Variants in LIN52 observed in about 807,000 individuals in gnomAD.
The protein encoded by LIN52 is lin-52 DREAM MuvB core complex component, also known as protein lin-52 homolog.
LIN52 carries 4 observed loss-of-function variants against 18.5 expected under a neutral mutation model. The ratio of observed to expected loss-of-function variants is 0.22; its 90% CI spans 0.11 to 0.49. The LOEUF is 0.49. LIN52 is among the 20% of genes least tolerant of loss of function. The probability of loss-of-function intolerance (pLI) is 0.97; values close to 1 mark genes in which losing one functional copy is unlikely to be tolerated. For missense variants in LIN52, 102 were observed against 139.5 expected (o/e 0.73, Z 1.35); for synonymous variants, 34 against 45.5 (o/e 0.75, Z 1.02).
intron 5 of LIN52, among the ~76,000 whole-genome samples, chr14:74,103,733 GTTTTTTTTTTTTTTTTTT>G (rs573188668): frequency 1.1e-3 from 50 of 46,038 alleles, no homozygotes; most frequent in Non-Finnish European, 1.5e-3. Flanking sequence ...GGCCTGGCCA[GTTTTTTTTTTTTTTTTTT>G]TTTTTTTTTT....
chr14:74,121,785 G>A (rs920097673), intron 5 of LIN52, among the ~76,000 whole-genome samples: 16 of 149,522 alleles, frequency 1.1e-4, no homozygotes, highest in Middle Eastern at 3.5e-3. Flanking sequence ...GTGCAGTGGC[G>A]CCATCTCAAC....
chr14:74,150,679 T>A (rs943305929), intron 5 of LIN52, among the ~76,000 whole-genome samples: 1 of 152,146 alleles, frequency 6.6e-6, no homozygotes, highest in Non-Finnish European at 1.5e-5. Flanking sequence ...CTAAAAAAAA[T>A]TTAAAGACAA....
chr14:74,127,058 G>A (rs1402529958), intron 5 of LIN52, among the ~76,000 whole-genome samples: 1 of 152,184 alleles, frequency 6.6e-6, no homozygotes, highest in African/African-American at 2.4e-5. Context: ...GGTCCTTACA[G>A]CATTAAAATT....
intron 5 of LIN52, among the ~76,000 whole-genome samples, chr14:74,188,207 C>A (rs1001942075): frequency 1.3e-5 from 2 of 151,978 alleles, no homozygotes; most frequent in African/African-American, 4.8e-5. Context: ...CCACCCCTAA[C>A]AATATTAAAA....
intron 5 of LIN52, among the ~76,000 whole-genome samples, chr14:74,127,580 T>C (rs1189161973): frequency 3.3e-5 from 5 of 152,152 alleles, no homozygotes; most frequent in Non-Finnish European, 7.3e-5. Context: ...TTTCTGATCA[T>C]GTAAAAAATG....
At chr14:74,191,759 C>T (rs748633057) in intron 5 of LIN52, among the ~76,000 whole-genome samples, 1 of 151,584 alleles carries the variant, frequency 6.6e-6, no homozygotes, top group Admixed American at 6.6e-5. Context: ...TCAGCCTCCC[C>T]AGTAGCTGGG....
At chr14:74,098,008 A>G (rs929818790) in intron 4 of LIN52, 148 bp downstream of exon 4, 14 of 616,628 alleles carry the variant, frequency 2.3e-5, no homozygotes, top group African/African-American at 1.5e-4. Flanking sequence ...CATGTCTGCA[A>G]TGCCCTTCTC....
At chr14:74,193,240 G>A (rs537023514) in intron 5 of LIN52, among the ~76,000 whole-genome samples, 23 of 106,722 alleles carry the variant, frequency 2.2e-4, no homozygotes, top group African/African-American at 6.9e-4. Context: ...TCAAGATCCT[G>A]TCTCCACAAA....
intron 5 of LIN52, among the ~76,000 whole-genome samples, chr14:74,135,731 C>T (rs1430689298): frequency 4.6e-5 from 7 of 152,128 alleles, no homozygotes; most frequent in South Asian, 2.1e-4. Flanking sequence ...TCTTACTTAA[C>T]AAGGGATAAA....
In LIN52 at chr14:74,174,283, C is replaced by T. The variant is rs144912983; in HGVS notation, c.284-24639C>T. Among the ~76,000 whole-genome samples the T allele has an allele frequency of 3.7e-3, 566 of 152,254 alleles. 4 individuals carry two copies. Among genetic ancestry groups the T allele is most frequent in the African/African-American group, 0.013 (534 of 41,532 alleles). On this transcript the variant is annotated intron_variant, in intron 5 of 5. Coordinates refer to ENST00000555028, the MANE Select transcript of LIN52 (RefSeq NM_001024674.3). ...GTGAACATCATAGTGTGTTCTTACA[C>T]AAACCTAGATAGTATAGCCTACTAC...
intron 2 of LIN52, among the ~76,000 whole-genome samples, chr14:74,091,791 A>G (rs1020121322): frequency 2.6e-5 from 4 of 151,484 alleles, no homozygotes; most frequent in Non-Finnish European, 5.9e-5. Flanking sequence ...AAAAAAAAAA[A>G]AAAAAAGTTC....
chr14:74,107,354 A>G (rs1189116870), intron 5 of LIN52, among the ~76,000 whole-genome samples: 2 of 152,110 alleles, frequency 1.3e-5, no homozygotes, highest in Admixed American at 6.6e-5. Flanking sequence ...GTTCATTATC[A>G]TGAATCCTAT....
intron 1 of LIN52, chr14:74,085,250 C>T: frequency 2.7e-6 from 1 of 372,932 alleles, no homozygotes; most frequent in Non-Finnish European, 4.8e-6. Flanking sequence ...GGTAAAAGGA[C>T]AGGGGGGTCG....
At chr14:74,110,759 T>A (rs1181707097) in intron 5 of LIN52, among the ~76,000 whole-genome samples, 2 of 151,516 alleles carry the variant, frequency 1.3e-5, no homozygotes, top group African/African-American at 4.9e-5. Flanking sequence ...GGTCAGGAGA[T>A]CGAGACCATC....
intron 5 of LIN52, among the ~76,000 whole-genome samples, chr14:74,130,278 G>GTTTGTTTTTTTTTGTTTTTTTTTTT (rs1555382571): frequency 1.5e-5 from 1 of 64,842 alleles, no homozygotes; most frequent in African/African-American, 6.3e-5. Flanking sequence ...GCATTTTTTG[G>GTTTGTTTTTTTTTGTTTTTTTTTTT]TTTTTTTTTT....
chr14:74,100,385 A>G (rs953814353), intron 4 of LIN52, among the ~76,000 whole-genome samples: 2 of 152,154 alleles, frequency 1.3e-5, no homozygotes, highest in Non-Finnish European at 2.9e-5. Flanking sequence ...ATGGCTCACT[A>G]CAGCCTTGAC....
chr14:74,124,833 A>AAAAAAAAAT (rs1176711289), intron 5 of LIN52, among the ~76,000 whole-genome samples: 1 of 147,834 alleles, frequency 6.8e-6, no homozygotes, highest in African/African-American at 2.5e-5. Context: ...AAAAAAAAAA[A>AAAAAAAAAT]GCTGAGAGGC....
At chr14:74,092,841 C>T (rs1435787179) in intron 2 of LIN52, among the ~76,000 whole-genome samples, 4 of 151,492 alleles carry the variant, frequency 2.6e-5, no homozygotes, top group African/African-American at 7.3e-5. Context: ...TGCCTGAACC[C>T]GGGAGGCGGA....
chr14:74,089,770 T>C (rs998655778), intron 1 of LIN52, among the ~76,000 whole-genome samples: 4 of 151,312 alleles, frequency 2.6e-5, no homozygotes, highest in Non-Finnish European at 5.9e-5. Flanking sequence ...AATATAAATA[T>C]GGAGTCATTG....
Sources: gnomAD v4.1 joint callset for allele counts (sites outside exome capture counted in the v4.1 genomes callset) on GRCh38, gnomAD v4.1.1 for gene constraint, MANE v1.5 for transcripts, NCBI Gene and HGNC (gene_info 2026-07-23, HGNC 2026-07-21) for gene names.